The following TENM3 variants were observed in gnomAD, a reference collection of about 807,000 sequenced individuals.
TENM3 encodes teneurin transmembrane protein 3.
Under a neutral mutation model 255.1 loss-of-function variants are expected in TENM3, and 63 were observed. The observed-to-expected ratio is 0.25, with a 90% CI of 0.20 to 0.30. TENM3 has a LOEUF of 0.30. Ranked by LOEUF, TENM3 falls within the 10% of genes least tolerant of loss-of-function variation. The pLI, the probability that TENM3 is intolerant of heterozygous loss-of-function variation, is 1.00. For synonymous variants in TENM3, 1,306 were observed against 1,322.3 expected (o/e 0.99, Z 0.27); for missense variants, 2,929 against 3,461.1 (o/e 0.85, Z 3.86).
the TENM3 span, among the ~76,000 whole-genome samples, chr4:181,576,813 T>C: frequency 7.3e-6 from 1 of 136,828 alleles, no homozygotes; most frequent in Non-Finnish European, 1.6e-5. Flanking sequence ...TTTCTTTTCT[T>C]TTTTTTTTTT....
At chr4:182,365,742 A>G (rs1054744080) in intron 3 of TENM3, among the ~76,000 whole-genome samples, 19 of 152,214 alleles carry the variant, frequency 1.2e-4, no homozygotes, top group Admixed American at 6.5e-5. Flanking sequence ...GTCCTGTGCC[A>G]CTTAACTCAT....
chr4:182,769,519 C>T (rs1763998494), intron 22 of TENM3, among the ~76,000 whole-genome samples: 2 of 152,046 alleles, frequency 1.3e-5, no homozygotes, highest in Admixed American at 1.3e-4. Context: ...CGTGGTGGCT[C>T]ACGCCTGTAA....
the TENM3 span, among the ~76,000 whole-genome samples, chr4:181,695,104 A>T: frequency 6.6e-6 from 1 of 152,178 alleles, no homozygotes; most frequent in East Asian, 1.9e-4. Context: ...TGTTTGTTAT[A>T]ATTGACTATT....
At chr4:182,010,095 GC>G in the TENM3 span, among the ~76,000 whole-genome samples, 1 of 152,160 alleles carries the variant, frequency 6.6e-6, no homozygotes, top group African/African-American at 2.4e-5. Context: ...ACTTATTATG[GC>G]TTTTTTCCAT....
intron 1 of TENM3, among the ~76,000 whole-genome samples, chr4:182,212,403 G>A (rs928844094): frequency 2.6e-5 from 4 of 152,158 alleles, no homozygotes; most frequent in Non-Finnish European, 5.9e-5. Flanking sequence ...AGGCAAGAAC[G>A]CGCCTGGAGT....
the TENM3 span, among the ~76,000 whole-genome samples, chr4:181,933,943 T>C: frequency 4.6e-5 from 7 of 152,294 alleles, no homozygotes; most frequent in South Asian, 8.3e-4. Context: ...TTCCTGGCTA[T>C]CTTTATTTAA....
At chr4:182,202,584 T>A (rs1754260520) in intron 1 of TENM3, among the ~76,000 whole-genome samples, 1 of 152,148 alleles carries the variant, frequency 6.6e-6, no homozygotes, top group Middle Eastern at 3.4e-3. Flanking sequence ...GGATTACAGT[T>A]GTGAGCCACC....
intron 1 of TENM3, among the ~76,000 whole-genome samples, chr4:182,170,315 C>T (rs79547889): frequency 0.05 from 7,664 of 151,954 alleles, 254 homozygotes; most frequent in Non-Finnish European, 0.07. Context: ...TCTTCTATAA[C>T]GTAGTTATAT....
the TENM3 span, among the ~76,000 whole-genome samples, chr4:181,695,240 G>C: frequency 1.3e-5 from 2 of 151,986 alleles, no homozygotes; most frequent in African/African-American, 4.8e-5. Context: ...AGGACACATA[G>C]CTAAAGATGG....
chr4:181,980,159 G>A, the TENM3 span: 1 of 152,266 alleles, frequency 6.6e-6, no homozygotes, highest in Non-Finnish European at 1.5e-5. Flanking sequence ...AACAGTGGAG[G>A]AGGGGAATGC....
chr4:182,596,515 T>G (rs1197604173), intron 3 of TENM3, among the ~76,000 whole-genome samples: 1 of 152,148 alleles, frequency 6.6e-6, no homozygotes, highest in Non-Finnish European at 1.5e-5. Flanking sequence ...AAAACAGAGG[T>G]GGCATCACCT....
At chr4:182,495,077 G>A (rs1735652429) in intron 3 of TENM3, among the ~76,000 whole-genome samples, 2 of 152,144 alleles carry the variant, frequency 1.3e-5, no homozygotes, top group Admixed American at 1.3e-4. Context: ...TGATATTAAT[G>A]AATTATGACA....
At chr4:181,458,557 A>G in the TENM3 span, among the ~76,000 whole-genome samples, 3 of 151,890 alleles carry the variant, frequency 2.0e-5, no homozygotes, top group African/African-American at 4.8e-5. Flanking sequence ...ATGGAAGGCA[A>G]GAACAGTTTA....
chr4:181,986,183 C>A, the TENM3 span, among the ~76,000 whole-genome samples: 7 of 152,048 alleles, frequency 4.6e-5, no homozygotes, highest in Non-Finnish European at 1.0e-4. Context: ...AACTTCCTAT[C>A]GCACTGACAA....
intron 1 of TENM3, among the ~76,000 whole-genome samples, chr4:182,264,124 A>G (rs989225639): frequency 1.3e-5 from 2 of 152,204 alleles, no homozygotes; most frequent in Non-Finnish European, 2.9e-5. Context: ...ATGAAAAAAA[A>G]TCAGTGTTTA....
upstream of TENM3, among the ~76,000 whole-genome samples, chr4:182,241,942 A>G (rs753486979): frequency 4.7e-5 from 7 of 149,744 alleles, no homozygotes; most frequent in Non-Finnish European, 1.0e-4. Flanking sequence ...GACCCTTTTC[A>G]GTTTTGCTCT....
chr4:182,066,020 G>A, the TENM3 span, among the ~76,000 whole-genome samples: 1 of 152,138 alleles, frequency 6.6e-6, no homozygotes, highest in African/African-American at 2.4e-5. Flanking sequence ...ACACCTAGGA[G>A]TCTAATTGCT....
the TENM3 span, among the ~76,000 whole-genome samples, chr4:182,004,537 G>A: frequency 0.025 from 3,851 of 152,196 alleles, 139 homozygotes; most frequent in African/African-American, 0.087. Flanking sequence ...ATAAACATAC[G>A]TGTGCATGTG....
the TENM3 span, among the ~76,000 whole-genome samples, chr4:181,972,517 T>C: frequency 6.7e-6 from 1 of 150,022 alleles, no homozygotes; most frequent in Non-Finnish European, 1.5e-5. Context: ...AACCTTGAAA[T>C]ATGAGTTTGT....
Sources: gnomAD v4.1 joint callset for allele counts (sites outside exome capture counted in the v4.1 genomes callset) on GRCh38, gnomAD v4.1.1 for gene constraint, MANE v1.5 for transcripts, NCBI Gene and HGNC (gene_info 2026-07-23, HGNC 2026-07-21) for gene names.